Variants in GFOD2 observed in about 807,000 individuals in gnomAD.
The protein encoded by GFOD2 is Gfo/Idh/MocA-like oxidoreductase domain containing 2.
A neutral mutation model predicts 24.6 loss-of-function variants in GFOD2; 9 were observed. The ratio of observed to expected loss-of-function variants is 0.37; its 90% CI spans 0.22 to 0.64. The LOEUF (loss-of-function observed/expected upper bound fraction) is 0.64. GFOD2 is among the 30% of genes least tolerant of loss of function. The pLI is 0.65. For synonymous variants in GFOD2, 211 were observed against 224.8 expected (o/e 0.94, Z 0.55); for missense variants, 476 against 532.5 (o/e 0.89, Z 1.04).
At chr16:67,683,778 C>G in intron 2 of GFOD2, 1 of 1,226,402 alleles carries the variant, frequency 8.2e-7, no homozygotes, top group Non-Finnish European at 1.0e-6. Context: ...GCCACCATGG[C>G]AGTGGTCAGG....
intron 1 of GFOD2, among the ~76,000 whole-genome samples, chr16:67,690,293 C>T (rs1311894062): frequency 6.6e-6 from 1 of 152,154 alleles, no homozygotes; most frequent in African/African-American, 2.4e-5. Context: ...CCTCCAACAG[C>T]GTGCAAGACT....
At chr16:67,717,132 G>A (rs2053512803) in intron 1 of GFOD2, among the ~76,000 whole-genome samples, 1 of 152,114 alleles carries the variant, frequency 6.6e-6, no homozygotes, top group Admixed American at 6.6e-5. Flanking sequence ...CTGACCTCAG[G>A]TGATCCACCC....
chr16:67,695,120 C>T (rs190506900), intron 1 of GFOD2, among the ~76,000 whole-genome samples: 121 of 151,768 alleles, frequency 8.0e-4, no homozygotes, highest in Middle Eastern at 6.8e-3. Context: ...CAGCTACTAC[C>T]TCAGTAGCTG....
intron 2 of GFOD2, chr16:67,682,406 G>A (rs2053233532): frequency 1.0e-6 from 1 of 985,284 alleles, no homozygotes; most frequent in African/African-American, 1.7e-5. Context: ...ACCTTTTAGT[G>A]ACAGACTTAA....
chr16:67,719,075 G>C (rs1597808333), intron 1 of GFOD2, 88 bp downstream of exon 1: 2 of 152,348 alleles, frequency 1.3e-5, no homozygotes, highest in South Asian at 2.1e-4. Context: ...CTCCGGCGCC[G>C]GGCCGCGGAG....
chr16:67,681,353 G>A (rs2053223884), intron 2 of GFOD2: 2 of 985,366 alleles, frequency 2.0e-6, no homozygotes, highest in Non-Finnish European at 2.4e-6. Context: ...CTAGGATAAG[G>A]AATTCCTGTT....
chr16:67,682,441 T>C (rs188351080), intron 2 of GFOD2: 1 of 985,394 alleles, frequency 1.0e-6, no homozygotes, highest in Admixed American at 6.1e-5. Context: ...GTGGCAAAGA[T>C]GCTAGGGGCA....
chr16:67,678,455 G>A (rs188151818), intron 2 of GFOD2, among the ~76,000 whole-genome samples: 56 of 144,504 alleles, frequency 3.9e-4, no homozygotes, highest in Middle Eastern at 4.1e-3. Flanking sequence ...CAGCTTTGGC[G>A]ACGAGAGTGA....
At chr16:67,691,757 G>A (rs1302119274) in intron 1 of GFOD2, among the ~76,000 whole-genome samples, 1 of 152,048 alleles carries the variant, frequency 6.6e-6, no homozygotes, top group Non-Finnish European at 1.5e-5. Flanking sequence ...GCCCTCCACT[G>A]ATTAGTGAAT....
chr16:67,712,003 C>T (rs1353472894), intron 1 of GFOD2, among the ~76,000 whole-genome samples: 2 of 152,122 alleles, frequency 1.3e-5, no homozygotes, highest in African/African-American at 4.8e-5. Flanking sequence ...TAGAATGTAT[C>T]CTCCTTGAAG....
intron 2 of GFOD2, chr16:67,682,511 G>A: frequency 1.0e-6 from 1 of 985,310 alleles, no homozygotes. Flanking sequence ...AAATATATTA[G>A]GGCCCTTCCC....
At chr16:67,679,912 C>CAAAA (rs796819227) in intron 2 of GFOD2, among the ~76,000 whole-genome samples, 1 of 149,782 alleles carries the variant, frequency 6.7e-6, no homozygotes, top group African/African-American at 2.5e-5. Context: ...ACAACAACAA[C>CAAAA]AAAAAAAAAC....
At chr16:67,688,700 T>G (rs1434997542) in intron 1 of GFOD2, among the ~76,000 whole-genome samples, 1 of 152,092 alleles carries the variant, frequency 6.6e-6, no homozygotes, top group Non-Finnish European at 1.5e-5. Flanking sequence ...TTAATGTTAT[T>G]TTAAAAATTG....
Position 67,675,553 on chromosome 16 carries a change from CCACCATG to C in GFOD2, c.753_759del (p.Met252Ter). The stretch of plus-strand genomic sequence containing the variant: ...GCGACGAGGCGTCCTGCAGAGCCTA[CCACCATG>C]ACTTCATGCACAAAGGCGCCTGGCA... On this transcript the variant is annotated frameshift_variant, in exon 3 of 3. Coordinates refer to ENST00000268797, the MANE Select transcript of GFOD2 (RefSeq NM_030819.4). LOFTEE classifies it high-confidence loss of function. 6.2e-7 allele frequency: 1 copy of C among 1,613,452 alleles called. No individual in the cohort carries two copies. The highest frequency in any genetic ancestry group is 1.6e-4 in the Middle Eastern group (1 of 6,062).
intron 1 of GFOD2, among the ~76,000 whole-genome samples, chr16:67,709,616 A>G (rs968759685): frequency 6.6e-6 from 1 of 152,148 alleles, no homozygotes; most frequent in Non-Finnish European, 1.5e-5. Flanking sequence ...CAGGATATAA[A>G]TTAGCCTTAT....
At chr16:67,681,665 C>G (rs1053867583) in intron 2 of GFOD2, 7 of 939,766 alleles carry the variant, frequency 7.4e-6, no homozygotes, top group Non-Finnish European at 8.9e-6. Flanking sequence ...CCACCTTGGC[C>G]TCCCAAAGTG....
intron 1 of GFOD2, among the ~76,000 whole-genome samples, chr16:67,701,687 G>A (rs1226275844): frequency 2.0e-5 from 3 of 151,242 alleles, no homozygotes; most frequent in Non-Finnish European, 4.4e-5. Flanking sequence ...GCAATTACAT[G>A]ACAGCATTTG....
At position 67,675,124 on chromosome 16, in the gene GFOD2, C is replaced by A; in HGVS notation, c.*31G>T. ...GCTCCTGTTCCCCTCCCTGGTCCCT[C>A]TGCCCTGTGGCAAGGAGCCCAGGTG... On this transcript the variant is annotated 3_prime_UTR_variant, in exon 3 of 3. Coordinates refer to ENST00000268797, the MANE Select transcript of GFOD2 (RefSeq NM_030819.4). 1 of 1,585,276 alleles carries A rather than the reference C, an allele frequency of 6.3e-7. No individual in the cohort carries two copies.
intron 2 of GFOD2, chr16:67,683,591 GA>G (rs1567654704): frequency 8.1e-7 from 1 of 1,231,670 alleles, no homozygotes; most frequent in East Asian, 3.2e-5. Flanking sequence ...CTCTCTGGAA[GA>G]AACAAACAAT....
Sources: allele counts gnomAD v4.1 joint callset (sites outside exome capture counted in the v4.1 genomes callset), GRCh38; gene constraint gnomAD v4.1.1; transcripts MANE v1.5; gene names NCBI Gene and HGNC (gene_info 2026-07-23, HGNC 2026-07-21).